Variants in EXOG observed in about 807,000 individuals in gnomAD.
EXOG encodes the protein nuclease EXOG, mitochondrial.
Under a neutral mutation model 25.8 loss-of-function variants are expected in EXOG, and 27 were observed. The ratio of observed to expected loss-of-function variants is 1.05; its 90% CI spans 0.77 to 1.45. The LOEUF (loss-of-function observed/expected upper bound fraction) is 1.45. Among genes scored for constraint, EXOG ranks in the 40% most tolerant of loss-of-function variants. EXOG has a pLI of 0.00. For missense variants in EXOG, 458 were observed against 450.5 expected, an observed-to-expected ratio of 1.02 and a Z score of -0.15; for synonymous variants, 133 against 167.0, an observed-to-expected ratio of 0.80 and a Z score of 1.57.
chr3:38,496,491 C>A lies in EXOG; in HGVS notation c.124C>A (p.Gln42Lys), dbSNP rs1559668831. ...CGCGGCCCTGCAGTTCTTCCGGAGT[C>A]AGGGCGCTGAGGGAGCGTTGACAGG... ...GLAALQFFRS[Q>K]GAEGALTGKQ... Residue 42 changes from glutamine to lysine, a missense_variant, in exon 1 of 6, where the codon CAG (glutamine) becomes AAG (lysine). Coordinates refer to ENST00000287675, the MANE Select transcript of EXOG (RefSeq NM_005107.4). The A allele has an allele frequency of 6.2e-7, 1 of 1,613,618 alleles. No individual in the cohort carries two copies. Among genetic ancestry groups the A allele is most frequent in the South Asian group, 1.1e-5 (1 of 91,058 alleles).
At position 38,503,410 on chromosome 3, in the gene EXOG, T is replaced by C. The variant is rs76931463; in HGVS notation, c.454-205T>C. Among the ~76,000 whole-genome samples the C allele has an allele frequency of 5.2e-3, 795 of 152,350 alleles. 7 individuals carry two copies. The highest frequency in any genetic ancestry group is 0.018 in the African/African-American group (749 of 41,590). ...ATAATTGATAAGCCTACCTGACTAC[T>C]TACTTTATAGTCCTCATTTTGAATA... is the stretch of plus-strand genomic sequence containing the variant. On this transcript the variant is annotated intron_variant, in intron 3 of 5. Coordinates refer to ENST00000287675, the MANE Select transcript of EXOG (RefSeq NM_005107.4).
At position 38,501,369 on chromosome 3, in the gene EXOG, A is replaced by C. The variant is rs1044836985; in HGVS notation, c.328A>C (p.Lys110Gln). 6 of 1,613,544 alleles carry C rather than the reference A, an allele frequency of 3.7e-6. No homozygotes were observed. In the Admixed American group the frequency reaches 1.0e-4, roughly 27 times the overall value. The change falls in exon 3 of 6, where the codon AAG becomes CAG. Residue 110 changes from lysine (K) to glutamine (Q), a missense_variant. Lys to Gln is a moderately conservative substitution (Grantham distance 53). Coordinates refer to ENST00000287675, the MANE Select transcript of EXOG (RefSeq NM_005107.4). ...TTTTTCTTCAGGTGATGCAGACAGA[A>C]AGCATTGTAAATTTAAGCCTGATCC... ...KSKIMGDADR[K>Q]HCKFKPDPNI...
chr3:38,525,930 G>A lies in EXOG; in HGVS notation c.*1568G>A. On this transcript the variant is annotated 3_prime_UTR_variant, in exon 6 of 6. Transcript: ENST00000287675. ...CTGGACGCCAGCCTGGGCCACAGAG[G>A]GAGACCCTGTCTCAAAAAAAGAAAA... is the stretch of plus-strand genomic sequence containing the variant. The A allele has an allele frequency of 1.0e-6, 1 of 960,618 alleles. No homozygotes were observed. The highest frequency in any genetic ancestry group is 1.2e-6 in the Non-Finnish European group (1 of 807,456). The allele number at this position is 960,618 out of a possible 1,614,324, so 59.5% of individuals were successfully genotyped here.
intron 5 of EXOG, among the ~76,000 whole-genome samples, chr3:38,522,235 G>A (rs2060738940): frequency 6.6e-6 from 1 of 152,226 alleles, no homozygotes; most frequent in Non-Finnish European, 1.5e-5. Flanking sequence ...GGAGTTCCCA[G>A]GCTGTGTGCC....
Position 38,524,490 on chromosome 3 carries a change from G to T in EXOG, c.*128G>T. 7.1e-7 allele frequency: 1 copy of T among 1,406,664 alleles called. No homozygotes were observed. Among genetic ancestry groups the T allele is most frequent in the East Asian group, 2.5e-5 (1 of 39,544 alleles). 87.1% of individuals were successfully genotyped at this position (1,406,664 alleles called of 1,614,324 possible). A position where few individuals can be genotyped will look rare whatever the true frequency, so the allele number is the denominator to read the frequency against. ...TCTCTTTAAGAGATGTGGTCTCGCC[G>T]TGTCATCCAGGCTGGAGTGCAGTGG... On this transcript the variant is annotated 3_prime_UTR_variant, in exon 6 of 6. Transcript: ENST00000287675.
At position 38,524,863 on chromosome 3, in the gene EXOG, T is replaced by C; in HGVS notation, c.*501T>C. On this transcript the variant is annotated 3_prime_UTR_variant, in exon 6 of 6. Coordinates refer to ENST00000287675, the MANE Select transcript of EXOG (RefSeq NM_005107.4). ...GTAGAGTATTGGGAAGGCATTTGTT[T>C]AGTTTCATGCCTCCAAACCATGCAT... The C allele has an allele frequency of 2.0e-6, 2 of 986,438 alleles. No homozygotes were observed. The highest frequency in any genetic ancestry group is 2.4e-6 in the Non-Finnish European group (2 of 830,746). The allele number at this position is 986,438 out of a possible 1,614,324, so 61.1% of individuals were successfully genotyped here.
intron 5 of EXOG, among the ~76,000 whole-genome samples, chr3:38,514,778 C>CACTT: frequency 8.8e-6 from 1 of 113,616 alleles, no homozygotes; most frequent in Non-Finnish European, 1.7e-5. Context: ...CCTCCCCCTG[C>CACTT]TTTTTTTTTT....
Position 38,523,936 on chromosome 3 carries a change from C to T in EXOG, c.681C>T (p.His227=). 2 of 1,585,638 alleles carry T rather than the reference C, an allele frequency of 1.3e-6. No individual in the cohort carries two copies. The highest frequency in any genetic ancestry group is 2.3e-5 in the South Asian group (2 of 87,202). The change falls in exon 6 of 6, where the codon CAC becomes CAT. Residue 227 remains histidine (H), a synonymous_variant. Coordinates refer to ENST00000287675, the MANE Select transcript of EXOG (RefSeq NM_005107.4). ...IGEDNVAVPS[H]LYKVILARRS... ...AGGACAACGTGGCAGTCCCCTCACA[C>T]CTTTATAAGGTAATCCTGGCCCGCA...
chr3:38,497,740 G>A lies in EXOG; in HGVS notation c.275G>A (p.Arg92Lys). 1 of 1,606,904 alleles carries A rather than the reference G, an allele frequency of 6.2e-7. No individual in the cohort carries two copies. The highest frequency in any genetic ancestry group is 8.5e-7 in the Non-Finnish European group (1 of 1,178,486). Residue 92 changes from arginine to lysine, a missense_variant, in exon 2 of 6, where the codon AGA (arginine) becomes AAA (lysine). Coordinates refer to ENST00000287675, the MANE Select transcript of EXOG (RefSeq NM_005107.4). Reference sequence around the variant, plus strand: ...TATGATCAGGCAAAGCGGGTGCCTAGATGGGTTCTTGAACATATTTCCAAA... The same window carrying A: ...TATGATCAGGCAAAGCGGGTGCCTAAATGGGTTCTTGAACATATTTCCAAA... ...LSYDQAKRVP[R>K]WVLEHISKSK...
Position 38,524,314 on chromosome 3 carries a change from A to C in EXOG, c.1059A>C (p.Glu353Asp), listed in dbSNP as rs756891934. The C allele has an allele frequency of 6.2e-7, 1 of 1,612,528 alleles. No homozygotes were observed. Among genetic ancestry groups the C allele is most frequent in the Non-Finnish European group, 8.5e-7 (1 of 1,179,656 alleles). Residue 353 changes from glutamate (E) to aspartate (D), a missense_variant, in exon 6 of 6, where the codon GAA becomes GAC. By Grantham distance (45) the Glu-to-Asp change is conservative (BLOSUM62 2). Around this residue, in one of 3 missense-constraint regions of EXOG, gnomAD observed 178 missense variants for 203.7 expected, o/e 0.87. Transcript: ENST00000287675. ...GTCGCTATGAGAAGAAGCTAGAAGA[A>C]CTCAAAGCTAAGGAGCAGTCAGGAA... ...FMSRYEKKLE[E>D]LKAKEQSGTQ... is the part of the protein sequence containing the mutation.
At chr3:38,499,700 G>A (rs759060900) in intron 2 of EXOG, 5 of 454,254 alleles carry the variant, frequency 1.1e-5, no homozygotes, top group South Asian at 7.8e-5. Flanking sequence ...GAATTTCTGG[G>A]TTCAAGTGAC....
chr3:38,509,865 A>C (rs1046181622), intron 5 of EXOG, among the ~76,000 whole-genome samples: 1 of 152,236 alleles, frequency 6.6e-6, no homozygotes, highest in Admixed American at 6.5e-5. Context: ...TCAGTTAATA[A>C]ATTTGCGAGA....
intron 1 of EXOG, 42 bp from the exon 2 acceptor site, chr3:38,497,587 T>C: frequency 6.5e-7 from 1 of 1,544,808 alleles, no homozygotes; most frequent in Non-Finnish European, 8.6e-7. Flanking sequence ...TGTGTGTTTT[T>C]TTTGTCTCTG....
intron 2 of EXOG, chr3:38,499,803 A>G: frequency 2.6e-6 from 1 of 386,256 alleles, no homozygotes; most frequent in Non-Finnish European, 5.0e-6. Flanking sequence ...GCTTAAGAAA[A>G]ATGAAGAGCC....
In EXOG at chr3:38,525,516, G is replaced by A. The variant is rs765892447; in HGVS notation, c.*1154G>A. On this transcript the variant is annotated 3_prime_UTR_variant, in exon 6 of 6. Transcript: ENST00000287675. ...GTCAGGAATATTTGGGAATTAGACG[G>A]CAATACTTTGTGGGGTTTATTAGAG... The A allele has an allele frequency of 2.0e-6, 2 of 985,268 alleles. No individual in the cohort carries two copies. Among genetic ancestry groups the A allele is most frequent in the Middle Eastern group, 5.2e-4 (1 of 1,936 alleles). The allele number at this position is 985,268 out of a possible 1,614,324, so 61.0% of individuals were successfully genotyped here.
chr3:38,518,642 T>G (rs1230564132), intron 5 of EXOG, among the ~76,000 whole-genome samples: 1 of 152,226 alleles, frequency 6.6e-6, no homozygotes, highest in Non-Finnish European at 1.5e-5. Context: ...ATAAAAGGGT[T>G]TATTTAGTTT....
chr3:38,509,635 C>T (rs1456815528), intron 5 of EXOG, among the ~76,000 whole-genome samples: 1 of 152,130 alleles, frequency 6.6e-6, no homozygotes, highest in African/African-American at 2.4e-5. Flanking sequence ...CAAAATGGAA[C>T]ATCATATATC....
intron 5 of EXOG, among the ~76,000 whole-genome samples, chr3:38,520,525 T>G (rs550909774): frequency 1.3e-5 from 2 of 152,372 alleles, no homozygotes; most frequent in Non-Finnish European, 2.9e-5. Flanking sequence ...CAGACATCAT[T>G]TGTGCCCAAG....
chr3:38,507,838 A>G (rs540312017), intron 5 of EXOG, among the ~76,000 whole-genome samples: 2 of 152,278 alleles, frequency 1.3e-5, no homozygotes, highest in South Asian at 4.1e-4. Flanking sequence ...TTCCAGGATA[A>G]CAACTAGATT....
Sources: gnomAD v4.1 joint callset for allele counts (sites outside exome capture counted in the v4.1 genomes callset) on GRCh38, gnomAD v4.1.1 for gene constraint, gnomAD v4.1.1 regional missense constraint, MANE v1.5 for transcripts, NCBI Gene and HGNC (gene_info 2026-07-23, HGNC 2026-07-21) for gene names.